Variants in SGK3 observed in about 807,000 individuals in gnomAD.
The protein encoded by SGK3 is serum/glucocorticoid regulated kinase family member 3.
Under a neutral mutation model 68.5 loss-of-function variants are expected in SGK3, and 47 were observed. The ratio of observed to expected loss-of-function variants is 0.69; its 90% confidence interval spans 0.54 to 0.87. SGK3 has a LOEUF of 0.87. SGK3 is among the 40% of genes least tolerant of loss of function. SGK3 has a pLI of 0.00. For missense variants in SGK3, 479 were observed against 575.5 expected, an observed-to-expected ratio of 0.83 and a Z score of 1.72; for synonymous variants, 181 against 189.1, an observed-to-expected ratio of 0.96 and a Z score of 0.35.
intron 3 of SGK3, among the ~76,000 whole-genome samples, chr8:66,803,456 A>AGGCTTCGCTATGTTGCCC (rs1808032222): frequency 8.4e-6 from 1 of 118,466 alleles, no homozygotes; most frequent in African/African-American, 5.0e-5. Context: ...CAGCCTCCCA[A>AGGCTTCGCTATGTTGCCC]AGTGCTGGGA....
chr8:66,729,140 A>C (rs1239228245), intron 1 of SGK3, among the ~76,000 whole-genome samples: 13 of 150,188 alleles, frequency 8.7e-5, no homozygotes, highest in Non-Finnish European at 1.3e-4. Context: ...AATGGAATGA[A>C]CCCAGGAGGC....
intron 15 of SGK3, among the ~76,000 whole-genome samples, chr8:66,848,562 G>C (rs1325218126): frequency 6.6e-6 from 1 of 152,106 alleles, no homozygotes; most frequent in Non-Finnish European, 1.5e-5. Context: ...ATATACACTT[G>C]CAGGATCCTG....
chr8:66,855,668 T>C (rs1018203262), intron 16 of SGK3, among the ~76,000 whole-genome samples: 8 of 151,942 alleles, frequency 5.3e-5, no homozygotes, highest in African/African-American at 1.9e-4. Context: ...CAACAACCAA[T>C]AGAAACATAG....
intron 1 of SGK3, among the ~76,000 whole-genome samples, chr8:66,736,934 T>A (rs983947636): frequency 1.1e-4 from 16 of 151,880 alleles, no homozygotes; most frequent in Admixed American, 3.9e-4. Flanking sequence ...AGCTACTTTT[T>A]AAAAAATTTT....
At chr8:66,841,163 T>C (rs1488655481) in intron 13 of SGK3, 53 bp downstream of exon 13, 31 of 1,350,472 alleles carry the variant, frequency 2.3e-5, no homozygotes, top group Non-Finnish European at 3.1e-5. Flanking sequence ...AATGCAAATA[T>C]GAATTACAGA....
intron 1 of SGK3, among the ~76,000 whole-genome samples, chr8:66,758,096 G>T (rs1053111898): frequency 2.0e-5 from 3 of 150,530 alleles, no homozygotes; most frequent in Non-Finnish European, 4.4e-5. Flanking sequence ...GCTCACACCT[G>T]TAATCCCAGC....
intron 1 of SGK3, among the ~76,000 whole-genome samples, chr8:66,741,038 A>T (rs2130396512): frequency 6.6e-6 from 1 of 152,126 alleles, no homozygotes; most frequent in Middle Eastern, 3.4e-3. Context: ...TACCTTTCTT[A>T]ACCCACAATA....
intron 2 of SGK3, 108 bp downstream of exon 2, chr8:66,793,940 C>A (rs1391802032): frequency 4.4e-6 from 5 of 1,139,208 alleles, no homozygotes; most frequent in Non-Finnish European, 6.3e-6. Flanking sequence ...TCTCCACATA[C>A]CTAGATTTTA....
At chr8:66,793,899 TC>T in intron 2 of SGK3, 67 bp downstream of exon 2, 2 of 1,528,014 alleles carry the variant, frequency 1.3e-6, no homozygotes, top group Non-Finnish European at 1.8e-6. Flanking sequence ...TTTCTGCTTT[TC>T]TTCTCCAACC....
At chr8:66,723,017 A>G (rs1048787101) in intron 1 of SGK3, among the ~76,000 whole-genome samples, 2 of 144,550 alleles carry the variant, frequency 1.4e-5, no homozygotes, top group African/African-American at 5.1e-5. Flanking sequence ...TCAACATGAG[A>G]TTTGGGCAGA....
At chr8:66,795,149 AG>A (rs1407695820) in intron 2 of SGK3, among the ~76,000 whole-genome samples, 1 of 152,206 alleles carries the variant, frequency 6.6e-6, no homozygotes, top group African/African-American at 2.4e-5. Flanking sequence ...AGGGCAGTTG[AG>A]GAAATCTCTC....
At chr8:66,754,752 C>T (rs970764428) in intron 1 of SGK3, among the ~76,000 whole-genome samples, 1 of 152,222 alleles carries the variant, frequency 6.6e-6, no homozygotes, top group Non-Finnish European at 1.5e-5. Context: ...ATCTCATCAC[C>T]TATGTGGTCG....
chr8:66,757,927 GTA>G (rs371749099), intron 1 of SGK3, among the ~76,000 whole-genome samples: 19 of 134,170 alleles, frequency 1.4e-4, no homozygotes, highest in Non-Finnish European at 1.7e-4. Context: ...AAAAAAAAGT[GTA>G]TATATATATA....
At chr8:66,833,795 G>A (rs1010908569) in intron 8 of SGK3, among the ~76,000 whole-genome samples, 2 of 152,200 alleles carry the variant, frequency 1.3e-5, no homozygotes, top group Non-Finnish European at 2.9e-5. Flanking sequence ...GGGTTCAAGC[G>A]ATTCTACTGC....
chr8:66,820,115 C>T (rs566839773), intron 5 of SGK3, among the ~76,000 whole-genome samples: 40 of 152,180 alleles, frequency 2.6e-4, no homozygotes, highest in African/African-American at 9.2e-4. Context: ...TGCACCCAGC[C>T]CAGTAGTTTT....
At chr8:66,718,198 T>C (rs949057672) in intron 1 of SGK3, among the ~76,000 whole-genome samples, 1 of 151,360 alleles carries the variant, frequency 6.6e-6, no homozygotes, top group African/African-American at 2.4e-5. Context: ...GCTAATTTTG[T>C]ATTTTTAGTA....
chr8:66,721,022 C>T (rs1804780453), intron 1 of SGK3, among the ~76,000 whole-genome samples: 2 of 152,116 alleles, frequency 1.3e-5, no homozygotes, highest in Admixed American at 6.5e-5. Flanking sequence ...ATAATGAGTA[C>T]ATTGTTTACA....
chr8:66,778,869 G>A (rs1457194332), intron 1 of SGK3, among the ~76,000 whole-genome samples: 2 of 152,176 alleles, frequency 1.3e-5, no homozygotes, highest in African/African-American at 4.8e-5. Context: ...GAAACCATCA[G>A]GAGAAGACAA....
intron 1 of SGK3, among the ~76,000 whole-genome samples, chr8:66,744,875 GT>G (rs1204494039): frequency 6.7e-6 from 1 of 150,068 alleles, no homozygotes; most frequent in South Asian, 2.1e-4. Flanking sequence ...AATTTTCTTA[GT>G]TTTTTTCCTC....
Sources: allele counts gnomAD v4.1 joint callset (sites outside exome capture counted in the v4.1 genomes callset), GRCh38; gene constraint gnomAD v4.1.1; transcripts MANE v1.5; gene names NCBI Gene and HGNC (gene_info 2026-07-23, HGNC 2026-07-21).